Variants in GALNT10 observed in about 807,000 individuals in gnomAD.
GALNT10 encodes the protein polypeptide N-acetylgalactosaminyltransferase 10, also known as GalNAc transferase 10.
GALNT10 carries 41 observed loss-of-function variants against 75.0 expected under a neutral mutation model. The observed-to-expected ratio is 0.55, with a 90% CI of 0.43 to 0.71. The LOEUF is 0.71. Ranked by LOEUF, GALNT10 falls within the 30% of genes least tolerant of loss-of-function variation. GALNT10 has a pLI of 0.00. For missense variants in GALNT10, 727 were observed against 818.5 expected, an observed-to-expected ratio of 0.89 and a Z score of 1.36; for synonymous variants, 302 against 313.0, an observed-to-expected ratio of 0.96 and a Z score of 0.37.
chr5:154,212,916 G>A (rs1006923142), intron 1 of GALNT10, among the ~76,000 whole-genome samples: 3 of 151,158 alleles, frequency 2.0e-5, no homozygotes, highest in Non-Finnish European at 4.4e-5. Flanking sequence ...TGCAGTGAGC[G>A]GAGATCGCGC....
intron 10 of GALNT10, among the ~76,000 whole-genome samples, chr5:154,414,152 C>A (rs1379003951): frequency 6.6e-6 from 1 of 152,174 alleles, no homozygotes; most frequent in East Asian, 1.9e-4. Context: ...TGTGGATGAA[C>A]TGGACCTGTA....
At position 154,265,741 on chromosome 5, in the gene GALNT10, C is replaced by T. The variant is rs543482603; in HGVS notation, c.160-29075C>T. 5.9e-5 allele frequency among the ~76,000 whole-genome samples: 9 copies of T among 152,108 alleles called. No homozygotes were observed. In the East Asian group the frequency reaches 1.2e-3, roughly 20 times the overall value. ...ACTTTGCATTGAGATGTCAGGAAAG[C>T]GTGACAGCTGGATGAAGCACCTACC... On this transcript the variant is annotated intron_variant, in intron 1 of 11. Transcript: ENST00000297107.
At chr5:154,220,172 A>T (rs1246599066) in intron 1 of GALNT10, 1 of 152,186 alleles carries the variant, frequency 6.6e-6, no homozygotes, top group Non-Finnish European at 1.5e-5. Context: ...TGTTTTGGAA[A>T]TGATTTTTAG....
At chr5:154,246,460 T>A (rs1753425669) in intron 1 of GALNT10, among the ~76,000 whole-genome samples, 1 of 152,210 alleles carries the variant, frequency 6.6e-6, no homozygotes, top group Non-Finnish European at 1.5e-5. Context: ...CCACATCCTC[T>A]CCAGCACCTG....
At chr5:154,363,749 C>A (rs1477184818) in intron 4 of GALNT10, among the ~76,000 whole-genome samples, 1 of 152,014 alleles carries the variant, frequency 6.6e-6, no homozygotes, top group Non-Finnish European at 1.5e-5. Context: ...AATATCCTGC[C>A]CAGATGATAG....
At chr5:154,228,094 A>G (rs1753091095) in intron 1 of GALNT10, among the ~76,000 whole-genome samples, 2 of 152,168 alleles carry the variant, frequency 1.3e-5, no homozygotes, top group Non-Finnish European at 2.9e-5. Flanking sequence ...ACCTTCCACC[A>G]TGATTGTAAG....
rs1289496438 is a variant in GALNT10 at position 154,412,135 on chromosome 5, T to TGG, written c.1387-752_1387-751dup. Among the ~76,000 whole-genome samples, 2 of 152,174 alleles carry TGG rather than the reference T, an allele frequency of 1.3e-5. No individual in the cohort carries two copies. Among genetic ancestry groups the TGG allele is most frequent in the Non-Finnish European group, 1.5e-5 (1 of 68,014 alleles). On this transcript the variant is annotated intron_variant, in intron 9 of 11. Coordinates refer to ENST00000297107, the MANE Select transcript of GALNT10 (RefSeq NM_198321.4). The surrounding 1 kb of genome is among the most constrained non-coding windows in gnomAD (Gnocchi z 4.2). ...AATGAGACTCTCTGCAACAGGAAAT[T>TGG]GGGTGGTGCATTTTCATAGCCACCA...
chr5:154,279,293 G>GT (rs1438708675), intron 1 of GALNT10, among the ~76,000 whole-genome samples: 6 of 138,924 alleles, frequency 4.3e-5, no homozygotes, highest in Non-Finnish European at 6.3e-5. Context: ...TGTTGTTGTT[G>GT]TTGTTGTTTT....
At chr5:154,197,639 TC>T (rs1774967057) in intron 1 of GALNT10, among the ~76,000 whole-genome samples, 2 of 152,214 alleles carry the variant, frequency 1.3e-5, no homozygotes, top group South Asian at 4.1e-4. Flanking sequence ...TCTTCAGTTT[TC>T]TCAGGTGATG....
intron 7 of GALNT10, among the ~76,000 whole-genome samples, chr5:154,397,499 A>G (rs946548518): frequency 1.3e-5 from 2 of 152,006 alleles, no homozygotes; most frequent in African/African-American, 4.8e-5. Context: ...AATTTTTCCC[A>G]TTTTGCAGAG....
At chr5:154,292,852 G>T (rs1478323862) in intron 1 of GALNT10, among the ~76,000 whole-genome samples, 3 of 152,132 alleles carry the variant, frequency 2.0e-5, no homozygotes, top group Admixed American at 1.3e-4. Context: ...CAGTGCCGGG[G>T]TCCCCTCCTG....
At position 154,352,198 on chromosome 5, in the gene GALNT10, C is replaced by T. The variant is rs561161267; in HGVS notation, c.568+22460C>T. On this transcript the variant is annotated intron_variant, in intron 4 of 11. Coordinates refer to ENST00000297107, the MANE Select transcript of GALNT10 (RefSeq NM_198321.4). This position sits in a 1 kb window ranked among gnomAD's most constrained non-coding sequence, Gnocchi z 4.4. ...CTGCACCCAGCACCCTGACCTGGGC[C>T]TCAGGGACTGTTCCCAGGCAGGGCT... Among the ~76,000 whole-genome samples the T allele has an allele frequency of 6.6e-6, 1 of 152,322 alleles. No individual in the cohort carries two copies.
intron 1 of GALNT10, among the ~76,000 whole-genome samples, chr5:154,199,755 T>C (rs1383779448): frequency 6.6e-6 from 1 of 152,066 alleles, no homozygotes; most frequent in Non-Finnish European, 1.5e-5. Flanking sequence ...ACCTCTCCCT[T>C]GTACTGGAGA....
At chr5:154,239,453 T>C (rs1194163538) in intron 1 of GALNT10, among the ~76,000 whole-genome samples, 4 of 152,214 alleles carry the variant, frequency 2.6e-5, no homozygotes, top group Non-Finnish European at 1.5e-5. Context: ...AGCTGTGGCA[T>C]TAGGTTCTCA....
rs559530379 is a variant in GALNT10, at chr5:154,402,210, C to T, written c.1057-1894C>T. On this transcript the variant is annotated intron_variant, in intron 7 of 11. Coordinates refer to ENST00000297107, the MANE Select transcript of GALNT10 (RefSeq NM_198321.4). This position sits in a 1 kb window ranked among gnomAD's most constrained non-coding sequence, Gnocchi z 4.2. ...GAGGGCCCTGCGGGAGCCCTGCCCG[C>T]GTCTCTGGCCTCCCCTCCCATCCCT... is the stretch of plus-strand genomic sequence containing the variant. Among the ~76,000 whole-genome samples, 8 of 152,332 alleles carry T rather than the reference C, an allele frequency of 5.3e-5. No individual in the cohort carries two copies. The highest frequency in any genetic ancestry group is 1.2e-4 in the African/African-American group (5 of 41,576).
rs1328397229 is a variant in GALNT10, at chr5:154,412,067, TG to T, written c.1387-819del. On this transcript the variant is annotated intron_variant, in intron 9 of 11. Coordinates refer to ENST00000297107, the MANE Select transcript of GALNT10 (RefSeq NM_198321.4). This position sits in a 1 kb window ranked among gnomAD's most constrained non-coding sequence, Gnocchi z 4.2. ...TCACCCATTGGCTGGGATCCATCCA[TG>T]GGTGGACACAGTGGTGGATTCAGAA... Among the ~76,000 whole-genome samples, 1 of 152,156 alleles carries T rather than the reference TG, an allele frequency of 6.6e-6. No homozygotes were observed. Among genetic ancestry groups the T allele is most frequent in the Admixed American group, 6.5e-5 (1 of 15,286 alleles).
At chr5:154,215,945 A>T (rs1453206463) in intron 1 of GALNT10, among the ~76,000 whole-genome samples, 1 of 152,186 alleles carries the variant, frequency 6.6e-6, no homozygotes, top group African/African-American at 2.4e-5. Context: ...CTTTAGGTAT[A>T]TAAAGATTTA....
chr5:154,317,937 G>A (rs1177555636), intron 3 of GALNT10, among the ~76,000 whole-genome samples: 2 of 152,208 alleles, frequency 1.3e-5, no homozygotes, highest in Non-Finnish European at 2.9e-5. Flanking sequence ...CCACATGGTT[G>A]CCCCAGGCAG....
At chr5:154,272,734 A>G (rs1182042211) in intron 1 of GALNT10, among the ~76,000 whole-genome samples, 3 of 152,212 alleles carry the variant, frequency 2.0e-5, no homozygotes, top group Non-Finnish European at 4.4e-5. Context: ...TGGTGAAGAT[A>G]AGGACTTGAA....
Sources: allele counts gnomAD v4.1 joint callset (sites outside exome capture counted in the v4.1 genomes callset), GRCh38; gene constraint gnomAD v4.1.1; non-coding constraint Gnocchi (gnomAD v3.1); transcripts MANE v1.5; gene names NCBI Gene and HGNC (gene_info 2026-07-23, HGNC 2026-07-21).